DCBLD2: variants seen among roughly 807,000 people sequenced by gnomAD.
DCBLD2 encodes the protein discoidin, CUB and LCCL domain-containing protein 2.
A neutral mutation model predicts 86.8 loss-of-function variants in DCBLD2; 54 were observed. The ratio of observed to expected loss-of-function variants is 0.62; its 90% confidence interval spans 0.50 to 0.78. The LOEUF (loss-of-function observed/expected upper bound fraction) is 0.78. Among genes scored for constraint, DCBLD2 ranks in the 30% least tolerant of loss-of-function variants. DCBLD2 has a pLI of 0.00. For missense variants in DCBLD2, 908 were observed against 954.2 expected, an observed-to-expected ratio of 0.95 and a Z score of 0.64; for synonymous variants, 354 against 341.3, an observed-to-expected ratio of 1.04 and a Z score of -0.41.
rs1185320759 is a variant in DCBLD2, at chr3:98,836,700, C to T, written c.572-11334G>A. Among the ~76,000 whole-genome samples, 37 of 89,578 alleles carry T rather than the reference C, an allele frequency of 4.1e-4. 5 individuals carry two copies. In the East Asian group the frequency reaches 7.7e-3, roughly 19 times the overall value. The allele number at this position is 89,578 out of a possible 152,430, so 58.8% of individuals were successfully genotyped here. ...GCAGAGGCGCCCATCACCTCCCGGA[C>T]GGGGCGGCTGGCCGGGCGGGGGGGC... On this transcript the variant is annotated intron_variant, in intron 3 of 15. Transcript: ENST00000326840.
At chr3:98,894,466 C>T (rs1284247108) in intron 1 of DCBLD2, among the ~76,000 whole-genome samples, 3 of 152,160 alleles carry the variant, frequency 2.0e-5, no homozygotes, top group Non-Finnish European at 4.4e-5. Flanking sequence ...CTGATTTAGG[C>T]TGTCACGGTT....
At chr3:98,859,495 C>G (rs561846226) in intron 2 of DCBLD2, among the ~76,000 whole-genome samples, 1 of 152,168 alleles carries the variant, frequency 6.6e-6, no homozygotes, top group African/African-American at 2.4e-5. Context: ...AGACTGATAC[C>G]TCACATGGCC....
chr3:98,898,004 A>G (rs1010016900), intron 1 of DCBLD2, among the ~76,000 whole-genome samples: 1 of 152,230 alleles, frequency 6.6e-6, no homozygotes, highest in African/African-American at 2.4e-5. Context: ...TCACCAATTT[A>G]ATTTTTTTGA....
At chr3:98,807,976 A>T in intron 13 of DCBLD2, 105 bp downstream of exon 13, 1 of 791,358 alleles carries the variant, frequency 1.3e-6, no homozygotes, top group Non-Finnish European at 1.8e-6. Context: ...TTTAATAATT[A>T]CCTTAACTCT....
At chr3:98,807,642 A>C (rs1168622361) in intron 13 of DCBLD2, among the ~76,000 whole-genome samples, 2 of 152,286 alleles carry the variant, frequency 1.3e-5, no homozygotes, top group Middle Eastern at 3.4e-3. Context: ...CTAGCCAACT[A>C]CAATTCCTTT....
At chr3:98,866,064 A>C (rs1370336372) in intron 2 of DCBLD2, among the ~76,000 whole-genome samples, 4 of 152,074 alleles carry the variant, frequency 2.6e-5, no homozygotes, top group Non-Finnish European at 4.4e-5. Flanking sequence ...GCTGCATAGT[A>C]TTCCATGGTG....
intron 2 of DCBLD2, among the ~76,000 whole-genome samples, chr3:98,876,921 T>C (rs1943383041): frequency 6.6e-6 from 1 of 152,040 alleles, no homozygotes; most frequent in African/African-American, 2.4e-5. Flanking sequence ...AAAAGAATAT[T>C]GAAAGAATGT....
intron 8 of DCBLD2, 46 bp from the exon 9 acceptor site, chr3:98,817,939 C>T (rs1190873731): frequency 6.3e-7 from 1 of 1,598,926 alleles, no homozygotes; most frequent in Admixed American, 1.7e-5. Context: ...GGTCTGATTC[C>T]CTAAGTTTGT....
At chr3:98,855,163 G>A (rs1257451524) in intron 2 of DCBLD2, among the ~76,000 whole-genome samples, 1 of 152,008 alleles carries the variant, frequency 6.6e-6, no homozygotes, top group Non-Finnish European at 1.5e-5. Flanking sequence ...TCTCCCAATA[G>A]AGAATATGCA....
intron 3 of DCBLD2, among the ~76,000 whole-genome samples, chr3:98,828,175 C>CA (rs1307209221): frequency 6.6e-6 from 1 of 151,902 alleles, no homozygotes; most frequent in Non-Finnish European, 1.5e-5. Context: ...GATAAAACAC[C>CA]AAAAGCACAA....
chr3:98,819,156 T>A (rs1157342178), intron 8 of DCBLD2, 46 bp downstream of exon 8: 6 of 1,492,434 alleles, frequency 4.0e-6, no homozygotes, highest in East Asian at 2.5e-5. Flanking sequence ...GTTTTTCAAA[T>A]AAAATAAGTG....
intron 1 of DCBLD2, among the ~76,000 whole-genome samples, chr3:98,883,036 C>G (rs1379971974): frequency 5.3e-5 from 8 of 152,154 alleles, no homozygotes. Context: ...ACACTCCCAC[C>G]AACAGTGTAA....
chr3:98,810,414 A>G (rs971295174), intron 12 of DCBLD2, among the ~76,000 whole-genome samples: 1 of 152,246 alleles, frequency 6.6e-6, no homozygotes, highest in Non-Finnish European at 1.5e-5. Context: ...CAAACTTTCA[A>G]AAAATGAGAA....
At chr3:98,881,112 C>T (rs1001925667) in intron 2 of DCBLD2, among the ~76,000 whole-genome samples, 1 of 151,576 alleles carries the variant, frequency 6.6e-6, no homozygotes. Flanking sequence ...AAAAATTAGC[C>T]GGCTATGGTG....
intron 14 of DCBLD2, 108 bp from the exon 15 acceptor site, chr3:98,800,824 ATC>A: frequency 6.7e-7 from 1 of 1,493,804 alleles, no homozygotes; most frequent in Non-Finnish European, 9.1e-7. Context: ...TATAACAAAT[ATC>A]TCTACAAACT....
intron 3 of DCBLD2, among the ~76,000 whole-genome samples, chr3:98,826,425 A>C (rs1003125444): frequency 1.3e-5 from 2 of 152,230 alleles, no homozygotes; most frequent in Non-Finnish European, 2.9e-5. Flanking sequence ...GCTCAGCTTC[A>C]CTGCCACTTC....
At position 98,819,317 on chromosome 3, in the gene DCBLD2, G is replaced by C. The variant is rs1942076854; in HGVS notation, c.972C>G (p.Asn324Lys). The C allele has an allele frequency of 1.2e-6, 2 of 1,613,674 alleles. No individual in the cohort carries two copies. The highest frequency in any genetic ancestry group is 3.3e-5 in the Admixed American group (2 of 59,974). ...LEWTDHTGQE[N>K]SWKPKKARLK... ...GCCTGGCTTTTTTGGGTTTCCAACT[G>C]TTCTCTTGCCCTGTGTGGTCAGTCC... The change falls in exon 8 of 16, where the codon AAC becomes AAG. Residue 324 changes from asparagine (N) to lysine (K), a missense_variant. Physicochemically the swap from Asn to Lys is moderately conservative, Grantham distance 94. Coordinates refer to ENST00000326840, the MANE Select transcript of DCBLD2 (RefSeq NM_080927.4).
At chr3:98,867,024 T>C (rs1459576616) in intron 2 of DCBLD2, among the ~76,000 whole-genome samples, 1 of 152,204 alleles carries the variant, frequency 6.6e-6, no homozygotes, top group African/African-American at 2.4e-5. Flanking sequence ...TGTAGATGTG[T>C]GGTATTATTT....
chr3:98,890,662 C>T (rs957461546), intron 1 of DCBLD2, among the ~76,000 whole-genome samples: 3 of 152,032 alleles, frequency 2.0e-5, no homozygotes, highest in African/African-American at 7.2e-5. Flanking sequence ...TCTCTTGCTT[C>T]CTTCTCCCTT....
Sources: allele counts gnomAD v4.1 joint callset (sites outside exome capture counted in the v4.1 genomes callset), GRCh38; gene constraint gnomAD v4.1.1; transcripts MANE v1.5; gene names NCBI Gene and HGNC (gene_info 2026-07-23, HGNC 2026-07-21).